QSOX1: variants seen among roughly 807,000 people sequenced by gnomAD.
QSOX1 encodes the protein quiescin sulfhydryl oxidase 1, also known as sulfhydryl oxidase 1.
Under a neutral mutation model 76.1 loss-of-function variants are expected in QSOX1, and 40 were observed. The observed-to-expected ratio is 0.53, with a 90% CI of 0.41 to 0.68. The LOEUF (loss-of-function observed/expected upper bound fraction) is 0.68. QSOX1 is among the 30% of genes least tolerant of loss of function. QSOX1 has a pLI of 0.00. For synonymous variants in QSOX1, 392 were observed against 413.1 expected, an observed-to-expected ratio of 0.95 and a Z score of 0.62; for missense variants, 931 against 974.3, an observed-to-expected ratio of 0.96 and a Z score of 0.59.
intron 2 of QSOX1, among the ~76,000 whole-genome samples, chr1:180,171,708 A>G (rs932089633): frequency 1.3e-5 from 2 of 152,172 alleles, no homozygotes; most frequent in African/African-American, 4.8e-5. Flanking sequence ...ATGTGTCTGT[A>G]GGAGAGACCG....
Position 180,186,128 on chromosome 1 carries a change from C to T in QSOX1, c.963C>T (p.Val321=), listed in dbSNP as rs757402432. ...ILRIEVGRFP[V]LEGQRLVALK... ...GGATAGAAGTGGGCAGGTTCCCGGT[C>T]CTGGAAGGGCAGCGCCTGGTGGCCC... Residue 321 remains valine, a synonymous_variant, in exon 8 of 12, where the codon GTC becomes GTT. Coordinates refer to ENST00000367602, the MANE Select transcript of QSOX1 (RefSeq NM_002826.5). 1.9e-6 allele frequency: 3 copies of T among 1,614,058 alleles called. No homozygotes were observed. The highest frequency in any genetic ancestry group is 1.1e-5 in the South Asian group (1 of 91,074).
At chr1:180,177,710 G>T (rs146800725) in intron 4 of QSOX1, among the ~76,000 whole-genome samples, 270 of 152,342 alleles carry the variant, frequency 1.8e-3, no homozygotes, top group Non-Finnish European at 2.6e-3. Flanking sequence ...ACCCAGGGAA[G>T]AGGTCTGAGA....
Position 180,202,837 on chromosome 1 carries a change from G to A in QSOX1, c.*5800G>A, listed in dbSNP as rs1351266875. 1 of 152,146 alleles carries A rather than the reference G, an allele frequency of 6.6e-6. No homozygotes were observed. Among genetic ancestry groups the A allele is most frequent in the African/African-American group, 2.4e-5 (1 of 41,454 alleles). 9.4% of individuals were successfully genotyped at this position (152,146 alleles called of 1,614,324 possible). The stretch of plus-strand genomic sequence containing the variant: ...CTCACGCTTGTAATCCTAGCACTTT[G>A]GGAGGCCGAGGTGGGTGGATCACGA... On this transcript the variant is annotated 3_prime_UTR_variant, in exon 12 of 12. Transcript: ENST00000367602.
At chr1:180,189,708 C>T (rs1226262629) in intron 9 of QSOX1, 34 bp downstream of exon 9, 1 of 1,603,106 alleles carries the variant, frequency 6.2e-7, no homozygotes, top group African/African-American at 1.3e-5. Context: ...ATCTCTCCAT[C>T]CTCCGTATTT....
intron 8 of QSOX1, among the ~76,000 whole-genome samples, chr1:180,188,235 C>T (rs1053543476): frequency 1.3e-5 from 2 of 152,144 alleles, no homozygotes; most frequent in African/African-American, 2.4e-5. Flanking sequence ...CTGCTGGCTC[C>T]CCCTGGCTAG....
chr1:180,159,529 AGAAT>A (rs1385847425), intron 1 of QSOX1, among the ~76,000 whole-genome samples: 2 of 152,264 alleles, frequency 1.3e-5, no homozygotes, highest in African/African-American at 4.8e-5. Context: ...TCTGTCTTAC[AGAAT>A]GAGTATTCTG....
At chr1:180,185,795 A>G (rs1663155546) in intron 7 of QSOX1, among the ~76,000 whole-genome samples, 1 of 152,144 alleles carries the variant, frequency 6.6e-6, no homozygotes, top group Non-Finnish European at 1.5e-5. Flanking sequence ...TTGTGCTTTT[A>G]TTTGATCCTC....
At chr1:180,184,436 G>T (rs1324473280) in intron 7 of QSOX1, among the ~76,000 whole-genome samples, 1 of 152,182 alleles carries the variant, frequency 6.6e-6, no homozygotes, top group African/African-American at 2.4e-5. Context: ...CTCACTATGT[G>T]CTAGGCACTG....
chr1:180,186,124 C>A lies in QSOX1; in HGVS notation c.959C>A (p.Pro320Gln). Residue 320 changes from proline to glutamine, a missense_variant, in exon 8 of 12, where the codon CCG becomes CAG. By Grantham distance (76) the Pro-to-Gln change is moderately conservative. Transcript: ENST00000367602. ...CTGCGGATAGAAGTGGGCAGGTTCC[C>A]GGTCCTGGAAGGGCAGCGCCTGGTG... ...YILRIEVGRFPVLEGQRLVAL... is the reference protein window; with the variant it reads ...YILRIEVGRFQVLEGQRLVAL... The A allele has an allele frequency of 6.2e-7, 1 of 1,614,150 alleles. No individual in the cohort carries two copies.
intron 8 of QSOX1, among the ~76,000 whole-genome samples, chr1:180,188,023 A>C (rs2149240852): frequency 6.6e-6 from 1 of 152,176 alleles, no homozygotes; most frequent in East Asian, 1.9e-4. Flanking sequence ...TTCTCAGAGA[A>C]GATTCCACAG....
intron 2 of QSOX1, among the ~76,000 whole-genome samples, chr1:180,174,474 G>C (rs934077062): frequency 6.6e-5 from 10 of 152,232 alleles, no homozygotes; most frequent in Non-Finnish European, 1.3e-4. Context: ...TTCCTTGACT[G>C]TGTCTGCTGT....
At chr1:180,186,817 G>A (rs928044364) in intron 8 of QSOX1, among the ~76,000 whole-genome samples, 5 of 152,232 alleles carry the variant, frequency 3.3e-5, no homozygotes, top group African/African-American at 1.2e-4. Context: ...CCATGCCTTC[G>A]TTCTGCCAGC....
intron 1 of QSOX1, among the ~76,000 whole-genome samples, chr1:180,158,888 A>AT (rs1474330545): frequency 4.6e-5 from 7 of 152,334 alleles, no homozygotes; most frequent in African/African-American, 1.7e-4. Flanking sequence ...GGCATTAGAG[A>AT]TCATTCATCC....
At chr1:180,158,069 C>T (rs1238766772) in intron 1 of QSOX1, among the ~76,000 whole-genome samples, 1 of 152,224 alleles carries the variant, frequency 6.6e-6, no homozygotes, top group Non-Finnish European at 1.5e-5. Flanking sequence ...ACAATCCTTA[C>T]CCGGGAAAAT....
chr1:180,156,019 C>A (rs1662369431), intron 1 of QSOX1, among the ~76,000 whole-genome samples: 1 of 152,142 alleles, frequency 6.6e-6, no homozygotes, highest in African/African-American at 2.4e-5. Context: ...TAGGAAAAAA[C>A]CACTACATGT....
chr1:180,181,461 T>C (rs1040113307), intron 5 of QSOX1, among the ~76,000 whole-genome samples: 3 of 152,220 alleles, frequency 2.0e-5, no homozygotes, highest in Non-Finnish European at 4.4e-5. Context: ...ACTATACACA[T>C]TGACCAAAGG....
chr1:180,190,070 C>T (rs1041940281), intron 9 of QSOX1, among the ~76,000 whole-genome samples: 2 of 152,228 alleles, frequency 1.3e-5, no homozygotes, highest in Non-Finnish European at 2.9e-5. Context: ...CTGGCCCTCT[C>T]CAGGGCACCT....
intron 7 of QSOX1, among the ~76,000 whole-genome samples, chr1:180,184,783 A>G (rs142016737): frequency 6.6e-6 from 1 of 152,300 alleles, no homozygotes; most frequent in East Asian, 1.9e-4. Context: ...CAGTGGGGGA[A>G]AGGTGATTGC....
chr1:180,198,332 G>A lies in QSOX1; in HGVS notation c.*1295G>A, dbSNP rs1024020107. On this transcript the variant is annotated 3_prime_UTR_variant, in exon 12 of 12. Coordinates refer to ENST00000367602, the MANE Select transcript of QSOX1 (RefSeq NM_002826.5). ...GCCTGTCTGCACCTGCCTAATTCCA[G>A]CTCCTCCAGGAAGCAAGGGCTTGTT... The A allele has an allele frequency of 1.8e-5, 8 of 456,592 alleles. No homozygotes were observed. Among genetic ancestry groups the A allele is most frequent in the Non-Finnish European group, 3.1e-5 (7 of 226,978 alleles). 28.3% of individuals were successfully genotyped at this position (456,592 alleles called of 1,614,324 possible).
Sources: allele counts gnomAD v4.1 joint callset (sites outside exome capture counted in the v4.1 genomes callset), GRCh38; gene constraint gnomAD v4.1.1; transcripts MANE v1.5; gene names NCBI Gene and HGNC (gene_info 2026-07-23, HGNC 2026-07-21).